Variants in NRXN1 observed in about 807,000 individuals in gnomAD.
NRXN1 encodes neurexin 1.
Under a neutral mutation model 150.9 loss-of-function variants are expected in NRXN1, and 39 were observed. The observed-to-expected ratio is 0.26, with a 90% CI of 0.20 to 0.34. The LOEUF is 0.34. NRXN1 is among the 10% of genes least tolerant of loss of function. The pLI, the probability that NRXN1 is intolerant of heterozygous loss-of-function variation, is 1.00. For missense variants in NRXN1, 1,815 were observed against 1,949.9 expected, an observed-to-expected ratio of 0.93 and a Z score of 1.30; for synonymous variants, 924 against 757.0, an observed-to-expected ratio of 1.22 and a Z score of -3.62.
intron 15 of NRXN1, among the ~76,000 whole-genome samples, chr2:50,480,600 C>G (rs1040106765): frequency 4.6e-5 from 7 of 152,098 alleles, no homozygotes; most frequent in African/African-American, 1.7e-4. Flanking sequence ...TTTGTTAATC[C>G]TCATCTGCAC....
intron 18 of NRXN1, among the ~76,000 whole-genome samples, chr2:50,190,688 T>C (rs1316850578): frequency 6.7e-6 from 1 of 149,076 alleles, no homozygotes; most frequent in Non-Finnish European, 1.5e-5. Flanking sequence ...TCTTGGCTCA[T>C]GGCAACCTCC....
intron 17 of NRXN1, among the ~76,000 whole-genome samples, chr2:50,433,693 T>G (rs1572954726): frequency 3.0e-4 from 35 of 116,774 alleles, no homozygotes; most frequent in Admixed American, 8.4e-4. Context: ...AAGAAGGGAG[T>G]GAGAAAGGGA....
At chr2:50,617,023 G>T in intron 8 of NRXN1, among the ~76,000 whole-genome samples, 1 of 152,024 alleles carries the variant, frequency 6.6e-6, no homozygotes, top group East Asian at 1.9e-4. Flanking sequence ...TTTGAAGTAG[G>T]GTGATTTAAC....
chr2:50,913,360 T>C (rs913475052), intron 5 of NRXN1, among the ~76,000 whole-genome samples: 1 of 151,764 alleles, frequency 6.6e-6, no homozygotes, highest in Non-Finnish European at 1.5e-5. Flanking sequence ...CTAAATTTGA[T>C]TGTTTCCTTA....
intron 18 of NRXN1, among the ~76,000 whole-genome samples, chr2:50,220,374 C>A (rs1257858623): frequency 6.6e-6 from 1 of 151,732 alleles, no homozygotes; most frequent in Non-Finnish European, 1.5e-5. Flanking sequence ...TAAAACAGAT[C>A]CTAGTTGATG....
intron 5 of NRXN1, among the ~76,000 whole-genome samples, chr2:50,847,970 C>A (rs1335998164): frequency 6.6e-6 from 1 of 152,136 alleles, no homozygotes; most frequent in African/African-American, 2.4e-5. Flanking sequence ...ACATATGATC[C>A]GATTCTTCTG....
chr2:50,302,726 C>T (rs578083227), intron 17 of NRXN1, among the ~76,000 whole-genome samples: 24 of 152,186 alleles, frequency 1.6e-4, no homozygotes, highest in African/African-American at 3.9e-4. Flanking sequence ...TCTTTCATTA[C>T]GCTAGTTTCA....
At chr2:50,955,025 A>AC (rs1205847549) in intron 2 of NRXN1, among the ~76,000 whole-genome samples, 2 of 152,202 alleles carry the variant, frequency 1.3e-5, no homozygotes, top group East Asian at 3.9e-4. Flanking sequence ...AGATAAAAAA[A>AC]GGGAAAGAAG....
At chr2:50,800,009 A>G (rs944970398) in intron 5 of NRXN1, among the ~76,000 whole-genome samples, 11 of 152,208 alleles carry the variant, frequency 7.2e-5, no homozygotes, top group African/African-American at 2.7e-4. Flanking sequence ...ATTTGTGGAA[A>G]TAAATGAGAG....
intron 5 of NRXN1, among the ~76,000 whole-genome samples, chr2:50,750,771 C>T (rs954162767): frequency 6.6e-6 from 1 of 151,932 alleles, no homozygotes; most frequent in Admixed American, 6.6e-5. Flanking sequence ...TTGTAGATTT[C>T]CTTGAAATTA....
chr2:50,149,578 T>A (rs192005966), intron 18 of NRXN1, among the ~76,000 whole-genome samples: 4 of 151,726 alleles, frequency 2.6e-5, no homozygotes, highest in African/African-American at 9.7e-5. Flanking sequence ...TGGGCTCCCA[T>A]AGCACCTTGT....
intron 2 of NRXN1, among the ~76,000 whole-genome samples, chr2:50,988,113 C>T (rs1320154336): frequency 1.3e-5 from 2 of 151,934 alleles, no homozygotes; most frequent in Non-Finnish European, 2.9e-5. Context: ...ACAGATTCTT[C>T]CATAAGGGTC....
intron 17 of NRXN1, among the ~76,000 whole-genome samples, chr2:50,438,407 C>T (rs2085637823): frequency 6.6e-6 from 1 of 151,858 alleles, no homozygotes; most frequent in Admixed American, 6.6e-5. Flanking sequence ...CAGGAATAGG[C>T]CCTGGGAAAA....
At chr2:50,829,002 G>T (rs994903124) in intron 5 of NRXN1, among the ~76,000 whole-genome samples, 1 of 152,170 alleles carries the variant, frequency 6.6e-6, no homozygotes. Context: ...CGAGGCTGGC[G>T]GATCACTCGC....
At position 50,531,331 on chromosome 2, in the gene NRXN1, G is replaced by C; in HGVS notation, c.2243C>G (p.Ser748Cys). ...CATCAGAATGCCATATGCACGCTGG[G>C]ATCGGAACCGTAAGGAAACATCCTC... Reference protein sequence around the residue: ...EAEDVSLRFRSQRAYGILMAT... With the variant: ...EAEDVSLRFRCQRAYGILMAT... The change falls in exon 11 of 23, where the codon TCC becomes TGC. Residue 748 changes from serine (S) to cysteine (C), a missense_variant. This residue lies in a region of NRXN1 where 638 missense variants were observed against 652.6 expected (regional missense o/e 0.98). Transcript: ENST00000401669. 1 of 1,613,466 alleles carries C rather than the reference G, an allele frequency of 6.2e-7. No homozygotes were observed. The highest frequency in any genetic ancestry group is 8.5e-7 in the Non-Finnish European group (1 of 1,179,710).
chr2:51,024,046 CTTAAT>C (rs1327335147), intron 2 of NRXN1, among the ~76,000 whole-genome samples: 6 of 152,180 alleles, frequency 3.9e-5, no homozygotes, highest in East Asian at 3.9e-4. Context: ...AGAATTATAA[CTTAAT>C]TTCTTATTGA....
chr2:49,963,370 AG>A (rs1220208343), intron 21 of NRXN1, among the ~76,000 whole-genome samples: 2 of 152,234 alleles, frequency 1.3e-5, no homozygotes, highest in Admixed American at 1.3e-4. Context: ...GTGTAGGCAA[AG>A]TAGAAGAAAA....
rs146227470 is a variant in NRXN1 at position 50,567,888 on chromosome 2, C to T, written c.1321-14863G>A. ...TTTACTCATATAATCCTCATGACAACCTGCTGATATAGTAGAAAAGGCCCA... is the reference window on the plus strand; with the variant it reads ...TTTACTCATATAATCCTCATGACAATCTGCTGATATAGTAGAAAAGGCCCA... On this transcript the variant is annotated intron_variant, in intron 8 of 22. Coordinates refer to ENST00000401669, the MANE Select transcript of NRXN1 (RefSeq NM_001330078.2). 6.0e-3 allele frequency among the ~76,000 whole-genome samples: 918 copies of T among 152,184 alleles called. 4 individuals are homozygous for T. Among genetic ancestry groups the T allele is most frequent in the African/African-American group, 0.02 (844 of 41,536 alleles).
chr2:50,243,663 T>TA (rs1480211191), intron 17 of NRXN1, among the ~76,000 whole-genome samples: 6 of 151,828 alleles, frequency 4.0e-5, no homozygotes, highest in Admixed American at 2.6e-4. Flanking sequence ...TCAGACACTG[T>TA]CATACCTCCA....
Sources: allele counts gnomAD v4.1 joint callset (sites outside exome capture counted in the v4.1 genomes callset), GRCh38; gene constraint gnomAD v4.1.1; regional missense constraint gnomAD v4.1.1; transcripts MANE v1.5; gene names NCBI Gene and HGNC (gene_info 2026-07-23, HGNC 2026-07-21).